PLCB1: variants seen among roughly 807,000 people sequenced by gnomAD.
PLCB1 encodes phospholipase C beta 1, also known as 1-phosphatidylinositol 4,5-bisphosphate phosphodiesterase beta-1.
A neutral mutation model predicts 161.8 loss-of-function variants in PLCB1; 46 were observed. That is an observed-to-expected ratio of 0.28 (90% CI 0.22 to 0.36). The LOEUF (loss-of-function observed/expected upper bound fraction) is 0.36. Ranked by LOEUF, PLCB1 falls within the 10% of genes least tolerant of loss-of-function variation. The probability of loss-of-function intolerance (pLI) is 1.00; values close to 1 mark genes in which losing one functional copy is unlikely to be tolerated. For missense variants in PLCB1, 1,016 were observed against 1,472.5 expected (o/e 0.69, Z 5.07); for synonymous variants, 517 against 503.7 (o/e 1.03, Z -0.35).
intron 2 of PLCB1, among the ~76,000 whole-genome samples, chr20:8,276,141 T>C (rs539372544): frequency 2.0e-5 from 3 of 152,204 alleles, no homozygotes; most frequent in Admixed American, 6.5e-5. Context: ...ACAAAAAAGA[T>C]TAATTAAAAA....
In PLCB1 at chr20:8,831,970, CTTTCTTTCT is replaced by C. The variant is rs1568617125; in HGVS notation, c.3423+41712_3423+41720del. On this transcript the variant is annotated intron_variant, in intron 31 of 31. Transcript: ENST00000338037. ...TCTTTCTTTCTTTCTTTCTTTCTTT[CTTTCTTTCT>C]TTCCTTCTTTCTTTCTGTGCTTCTT... Among the ~76,000 whole-genome samples, 58 of 87,286 alleles carry C rather than the reference CTTTCTTTCT, an allele frequency of 6.6e-4. 11 individuals are homozygous for C. Among genetic ancestry groups the C allele is most frequent in the African/African-American group, 1.5e-3 (41 of 27,470 alleles). The allele number at this position is 87,286 out of a possible 152,430, so 57.3% of individuals were successfully genotyped here. A position where few individuals can be genotyped will look rare whatever the true frequency, so the allele number is the denominator to read the frequency against.
intron 3 of PLCB1, among the ~76,000 whole-genome samples, chr20:8,378,275 GACTC>G (rs1987155413): frequency 6.6e-6 from 1 of 152,148 alleles, no homozygotes; most frequent in African/African-American, 2.4e-5. Flanking sequence ...AATATAGTAT[GACTC>G]TGTTCTTATA....
At chr20:8,716,467 A>G (rs534583423) in intron 13 of PLCB1, 119 bp downstream of exon 13, 2 of 776,576 alleles carry the variant, frequency 2.6e-6, no homozygotes, top group African/African-American at 3.4e-5. Flanking sequence ...GCAGTTGGTG[A>G]TGAAATCTTT....
chr20:8,199,432 G>A (rs2052065947), intron 2 of PLCB1, among the ~76,000 whole-genome samples: 1 of 152,114 alleles, frequency 6.6e-6, no homozygotes, highest in South Asian at 2.1e-4. Flanking sequence ...CTTCCACCAT[G>A]AATGTATGAA....
chr20:8,629,972 TTCTTTC>T (rs1374394307), intron 4 of PLCB1, among the ~76,000 whole-genome samples: 2 of 20,470 alleles, frequency 9.8e-5, no homozygotes, highest in Non-Finnish European at 2.1e-4. Context: ...TCTTCTTTCT[TTCTTTC>T]TTTCTTTCTT....
intron 9 of PLCB1, among the ~76,000 whole-genome samples, chr20:8,679,742 T>C (rs1391443841): frequency 3.3e-5 from 5 of 152,210 alleles, no homozygotes; most frequent in Non-Finnish European, 5.9e-5. Flanking sequence ...GAGTGACATG[T>C]CCAATGGCAT....
At chr20:8,571,211 C>T (rs886643981) in intron 3 of PLCB1, among the ~76,000 whole-genome samples, 6 of 152,170 alleles carry the variant, frequency 3.9e-5, no homozygotes, top group Non-Finnish European at 7.4e-5. Flanking sequence ...CATGGTGGCT[C>T]ACGCCTGTAA....
At chr20:8,824,785 T>C (rs6056180) in intron 31 of PLCB1, among the ~76,000 whole-genome samples, 41,718 of 151,902 alleles carry the variant, frequency 0.27, 6,981 homozygotes, top group Admixed American at 0.38. Context: ...AAGATAAAAA[T>C]CCATAAAAAA....
In PLCB1 at chr20:8,132,500, CGGAGGCCG is replaced by C. The variant is rs1264857077; in HGVS notation, c.-141_-134del. On this transcript the variant is annotated 5_prime_UTR_variant, in exon 1 of 32. Transcript: ENST00000338037. This position sits in a 1 kb window ranked among gnomAD's most constrained non-coding sequence, Gnocchi z 5.2. ...TGCTGAGCGGCGCCGGAGGGAGGTG[CGGAGGCCG>C]GGAGGCCGGGGAGGCCGGCGGGGAG... 1.0e-5 allele frequency: 4 copies of C among 395,648 alleles called. No homozygotes were observed. The highest frequency in any genetic ancestry group is 2.1e-5 in the African/African-American group (1 of 47,166). The allele number at this position is 395,648 out of a possible 1,614,324, so 24.5% of individuals were successfully genotyped here.
At chr20:8,834,402 C>T (rs2146282210) in intron 31 of PLCB1, among the ~76,000 whole-genome samples, 1 of 151,772 alleles carries the variant, frequency 6.6e-6, no homozygotes, top group African/African-American at 2.4e-5. Flanking sequence ...AGGAGATATT[C>T]ACCCTTACAT....
chr20:8,725,524 C>T (rs996624492), intron 16 of PLCB1, among the ~76,000 whole-genome samples: 6 of 152,066 alleles, frequency 3.9e-5, no homozygotes, highest in African/African-American at 1.2e-4. Context: ...CTACCAAACA[C>T]GCTTGTTTAT....
intron 3 of PLCB1, among the ~76,000 whole-genome samples, chr20:8,478,558 C>A (rs905304674): frequency 2.0e-5 from 3 of 152,006 alleles, no homozygotes; most frequent in Non-Finnish European, 4.4e-5. Context: ...GAGAGCTTAC[C>A]CTTAAACATG....
intron 25 of PLCB1, among the ~76,000 whole-genome samples, chr20:8,762,236 G>A (rs2123577662): frequency 6.6e-6 from 1 of 152,218 alleles, no homozygotes; most frequent in Non-Finnish European, 1.5e-5. Flanking sequence ...TAGTTTCATG[G>A]GAAACAACAC....
At chr20:8,307,418 G>A (rs1984181773) in intron 2 of PLCB1, among the ~76,000 whole-genome samples, 1 of 152,192 alleles carries the variant, frequency 6.6e-6, no homozygotes, top group African/African-American at 2.4e-5. Flanking sequence ...ATTAACTACA[G>A]ATTGTCAATT....
chr20:8,705,064 G>A (rs965580318), intron 11 of PLCB1, among the ~76,000 whole-genome samples: 18 of 144,080 alleles, frequency 1.2e-4, no homozygotes, highest in African/African-American at 4.2e-4. Flanking sequence ...TGCTTAACTC[G>A]GTCTACCAAT....
intron 2 of PLCB1, among the ~76,000 whole-genome samples, chr20:8,346,156 A>G (rs1194485622): frequency 1.3e-5 from 2 of 152,212 alleles, no homozygotes; most frequent in Non-Finnish European, 2.9e-5. Context: ...AAAAGTATTC[A>G]GGTTGTCACC....
chr20:8,641,493 ACC>A (rs1222598482), intron 4 of PLCB1, among the ~76,000 whole-genome samples: 2 of 151,942 alleles, frequency 1.3e-5, no homozygotes. Flanking sequence ...AACAACACAC[ACC>A]CTTTCCTTCC....
rs76172310 is a variant in PLCB1, at chr20:8,534,245, A to G, written c.247-94049A>G. ...CCCCAGCAGCTGGGACTACAGGTAC[A>G]GGCGCTGCCATGCCCGGTTATTCTG... is the stretch of plus-strand genomic sequence containing the variant. On this transcript the variant is annotated intron_variant, in intron 3 of 31. Transcript: ENST00000338037. 8.9e-3 allele frequency among the ~76,000 whole-genome samples: 1,354 copies of G among 152,284 alleles called. 13 individuals carry two copies. Among genetic ancestry groups the G allele is most frequent in the Non-Finnish European group, 0.015 (1,023 of 68,016 alleles).
At chr20:8,375,215 T>C (rs1987032809) in intron 3 of PLCB1, among the ~76,000 whole-genome samples, 1 of 152,140 alleles carries the variant, frequency 6.6e-6, no homozygotes, top group Non-Finnish European at 1.5e-5. Context: ...TTTTTCTTGC[T>C]CTCTCTCTCC....
Sources: gnomAD v4.1 joint callset for allele counts (sites outside exome capture counted in the v4.1 genomes callset) on GRCh38, gnomAD v4.1.1 for gene constraint, Gnocchi (gnomAD v3.1) non-coding constraint, MANE v1.5 for transcripts, NCBI Gene and HGNC (gene_info 2026-07-23, HGNC 2026-07-21) for gene names.